GRAMD1C: variants seen among roughly 807,000 people sequenced by gnomAD.
GRAMD1C encodes protein Aster-C.
GRAMD1C carries 89 observed loss-of-function variants against 97.8 expected under a neutral mutation model. That is an observed-to-expected ratio of 0.91 (90% CI 0.77 to 1.09). The LOEUF (loss-of-function observed/expected upper bound fraction) is 1.09. GRAMD1C is among the 50% of genes least tolerant of loss of function. The probability of loss-of-function intolerance (pLI) is 0.00; values close to 1 mark genes in which losing one functional copy is unlikely to be tolerated. For missense variants in GRAMD1C, 740 were observed against 766.4 expected, an observed-to-expected ratio of 0.97 and a Z score of 0.41; for synonymous variants, 256 against 267.0, an observed-to-expected ratio of 0.96 and a Z score of 0.40.
At chr3:113,935,980 A>G (rs1259956639) in intron 13 of GRAMD1C, among the ~76,000 whole-genome samples, 1 of 152,182 alleles carries the variant, frequency 6.6e-6, no homozygotes, top group South Asian at 2.1e-4. Context: ...TGTTGTTTCC[A>G]TAACTGAAAT....
intron 10 of GRAMD1C, among the ~76,000 whole-genome samples, chr3:113,924,600 T>C (rs1446852110): frequency 1.3e-5 from 2 of 152,230 alleles, no homozygotes; most frequent in Non-Finnish European, 2.9e-5. Context: ...TTAGTATTGA[T>C]TGCTATTGTT....
Position 113,838,956 on chromosome 3 carries a change from G to A in GRAMD1C, c.27+20G>A. The A allele has an allele frequency of 8.1e-7, 1 of 1,239,280 alleles. No individual in the cohort carries two copies. Among genetic ancestry groups the A allele is most frequent in the Non-Finnish European group, 1.0e-6 (1 of 988,494 alleles). 76.8% of individuals were successfully genotyped at this position (1,239,280 alleles called of 1,614,324 possible). A position where few individuals can be genotyped will look rare whatever the true frequency, so the allele number is the denominator to read the frequency against. On this transcript the variant is annotated intron_variant, in intron 1 of 17. Coordinates refer to ENST00000358160, the MANE Select transcript of GRAMD1C (RefSeq NM_017577.5). ...CGTCAGGTAAGCCGCGGGCCTCGCTGGGGCAGGTTCCCATCTGTGGCTTTA... is the reference window on the plus strand; with the variant it reads ...CGTCAGGTAAGCCGCGGGCCTCGCTAGGGCAGGTTCCCATCTGTGGCTTTA...
Position 113,838,913 on chromosome 3 carries a change from G to C in GRAMD1C, c.4G>C (p.Glu2Gln). 8.2e-7 allele frequency: 1 copy of C among 1,223,080 alleles called. No homozygotes were observed. Among genetic ancestry groups the C allele is most frequent in the Non-Finnish European group, 1.0e-6 (1 of 984,976 alleles). The allele number at this position is 1,223,080 out of a possible 1,614,324, so 75.8% of individuals were successfully genotyped here. Reference protein sequence around the residue: MEGAPTVRQVMN... With the variant: MQGAPTVRQVMN... ...CGCGGCGGCGGAGGGAGCCGCGATG[G>C]AGGGCGCTCCGACTGTCCGTCAGGT... The change falls in exon 1 of 18, where the codon GAG (glutamate) becomes CAG (glutamine). Residue 2 changes from glutamate to glutamine, a missense_variant. Transcript: ENST00000358160.
At chr3:113,893,679 CAA>C (rs1935822730) in intron 6 of GRAMD1C, among the ~76,000 whole-genome samples, 1 of 152,130 alleles carries the variant, frequency 6.6e-6, no homozygotes, top group African/African-American at 2.4e-5. Context: ...TTTGGTTTAC[CAA>C]GTACGGTCTG....
chr3:113,903,274 G>A (rs1936243972), intron 7 of GRAMD1C, among the ~76,000 whole-genome samples: 1 of 152,014 alleles, frequency 6.6e-6, no homozygotes, highest in South Asian at 2.1e-4. Context: ...TGCCCGGTCG[G>A]CCTGAATGCT....
intron 10 of GRAMD1C, among the ~76,000 whole-genome samples, chr3:113,929,868 G>C (rs1937347951): frequency 6.6e-6 from 1 of 152,176 alleles, no homozygotes; most frequent in South Asian, 2.1e-4. Context: ...AATGGGGTTA[G>C]ATAAAGGCTC....
chr3:113,935,611 A>C (rs576482415), intron 13 of GRAMD1C, among the ~76,000 whole-genome samples: 88 of 151,996 alleles, frequency 5.8e-4, no homozygotes, highest in African/African-American at 2.1e-3. Context: ...GCTGGTGGTC[A>C]GTCAACTCAA....
At chr3:113,922,190 GC>G (rs1559816875) in intron 10 of GRAMD1C, among the ~76,000 whole-genome samples, 1 of 151,788 alleles carries the variant, frequency 6.6e-6, no homozygotes, top group South Asian at 2.1e-4. Flanking sequence ...TCCTGCCTCA[GC>G]CCCCCAAGTA....
intron 3 of GRAMD1C, among the ~76,000 whole-genome samples, chr3:113,871,256 G>A (rs1264484573): frequency 6.6e-6 from 1 of 151,586 alleles, no homozygotes; most frequent in Non-Finnish European, 1.5e-5. Flanking sequence ...GGCTTTAAGA[G>A]GAAAAATTTA....
chr3:113,915,383 G>A (rs1270292328), intron 9 of GRAMD1C, among the ~76,000 whole-genome samples: 3 of 152,076 alleles, frequency 2.0e-5, no homozygotes, highest in Non-Finnish European at 4.4e-5. Context: ...ATATTCTTTT[G>A]AGTGACATAT....
chr3:113,915,626 CACGAA>C, intron 9 of GRAMD1C, 70 bp from the exon 10 acceptor site: 1 of 1,177,706 alleles, frequency 8.5e-7, no homozygotes, highest in African/African-American at 1.5e-5. Flanking sequence ...AAGAAAACCC[CACGAA>C]ACCCCCTAAA....
chr3:113,876,422 A>G lies in GRAMD1C; in HGVS notation c.459+162A>G, dbSNP rs13096064. On this transcript the variant is annotated intron_variant, in intron 5 of 17. Coordinates refer to ENST00000358160, the MANE Select transcript of GRAMD1C (RefSeq NM_017577.5). ...CTGTATGCAGTTATATTAGTGGTTA[A>G]CTTTAAATGACTGCTGACTTTTTTG... 0.28 allele frequency among the ~76,000 whole-genome samples: 43,336 copies of G among 152,112 alleles called. 7,495 individuals carry two copies. The highest frequency in any genetic ancestry group is 0.37 in the Admixed American group (5,623 of 15,262).
chr3:113,856,946 C>T (rs911138195), intron 2 of GRAMD1C, among the ~76,000 whole-genome samples: 1 of 151,810 alleles, frequency 6.6e-6, no homozygotes, highest in Admixed American at 6.6e-5. Context: ...CTCAGAGATC[C>T]TCATGCCTCA....
intron 3 of GRAMD1C, among the ~76,000 whole-genome samples, chr3:113,873,611 C>T (rs532292669): frequency 1.2e-4 from 19 of 152,166 alleles, no homozygotes; most frequent in East Asian, 1.9e-4. Context: ...CTTTGCCTCC[C>T]GCGTTCAAGG....
At chr3:113,885,553 G>T in intron 6 of GRAMD1C, 1 of 1,580,498 alleles carries the variant, frequency 6.3e-7, no homozygotes, top group Non-Finnish European at 8.7e-7. Flanking sequence ...GCCGCAGTCC[G>T]GCCTGTTAGG....
chr3:113,911,872 T>C (rs559038013), intron 9 of GRAMD1C, among the ~76,000 whole-genome samples: 17 of 151,838 alleles, frequency 1.1e-4, no homozygotes, highest in African/African-American at 3.6e-4. Context: ...GGACTACAGG[T>C]GCCCACCACC....
intron 10 of GRAMD1C, among the ~76,000 whole-genome samples, chr3:113,923,883 A>C (rs1937145475): frequency 6.6e-6 from 1 of 152,120 alleles, no homozygotes; most frequent in Admixed American, 6.5e-5. Context: ...GTCTGGTAGA[A>C]TTTGGCTGTG....
chr3:113,849,419 T>G lies in GRAMD1C; in HGVS notation c.174+4770T>G, dbSNP rs569414320. Among the ~76,000 whole-genome samples the G allele has an allele frequency of 3.3e-5, 5 of 151,944 alleles. No homozygotes were observed. The East Asian group carries it at 9.7e-4, about 29-fold the overall frequency. On this transcript the variant is annotated intron_variant, in intron 2 of 17. Coordinates refer to ENST00000358160, the MANE Select transcript of GRAMD1C (RefSeq NM_017577.5). ...AACAAGTGAACAAAGGTCTCTGGTT[T>G]TCCTAGGCAGAGGACCCTGCAGCCT...
chr3:113,854,947 A>G (rs1351964338), intron 2 of GRAMD1C, among the ~76,000 whole-genome samples: 2 of 152,222 alleles, frequency 1.3e-5, no homozygotes, highest in African/African-American at 4.8e-5. Flanking sequence ...CAAATCTAAG[A>G]TAATACAAAA....
Sources: allele counts gnomAD v4.1 joint callset (sites outside exome capture counted in the v4.1 genomes callset), GRCh38; gene constraint gnomAD v4.1.1; transcripts MANE v1.5; gene names NCBI Gene and HGNC (gene_info 2026-07-23, HGNC 2026-07-21).